Variants in DSC1 observed in about 807,000 individuals in gnomAD.
The protein encoded by DSC1 is desmocollin-1.
Under a neutral mutation model 98.8 loss-of-function variants are expected in DSC1, and 79 were observed. The ratio of observed to expected loss-of-function variants is 0.80; its 90% CI spans 0.67 to 0.96. DSC1 has a LOEUF of 0.96. DSC1 is among the 50% of genes least tolerant of loss of function. The pLI, the probability that DSC1 is intolerant of heterozygous loss-of-function variation, is 0.00. For synonymous variants in DSC1, 405 were observed against 372.1 expected, an observed-to-expected ratio of 1.09 and a Z score of -1.02; for missense variants, 1,115 against 1,075.9, an observed-to-expected ratio of 1.04 and a Z score of -0.51.
chr18:31,155,542 A>G (rs1173904508), intron 4 of DSC1, among the ~76,000 whole-genome samples: 1 of 152,176 alleles, frequency 6.6e-6, no homozygotes, highest in African/African-American at 2.4e-5. Context: ...AGGCAGGAGA[A>G]TCGCTTGAAC....
rs1988571614 is a variant in DSC1, at chr18:31,134,703, G to T, written c.1745C>A (p.Thr582Asn). The change falls in exon 12 of 16, where the codon ACC becomes AAC. Residue 582 changes from threonine (T) to asparagine (N), a missense_variant. Transcript: ENST00000257198. Reference sequence around the variant, plus strand: ...AAAATCCTCATTATTCTGACAAATGGTCACTTCTTTGTCAATTTGAGGTGC... The same window carrying T: ...AAAATCCTCATTATTCTGACAAATGTTCACTTCTTTGTCAATTTGAGGTGC... ...DHAPQIDKEV[T>N]ICQNNEDFAV... is the part of the protein sequence containing the mutation. 6.2e-7 allele frequency: 1 copy of T among 1,612,962 alleles called. No individual in the cohort carries two copies. Among genetic ancestry groups the T allele is most frequent in the Non-Finnish European group, 8.5e-7 (1 of 1,179,466 alleles).
rs758575290 is a variant in DSC1, at chr18:31,130,635, T to A, written c.2564A>T (p.Lys855Ile). The A allele has an allele frequency of 1.2e-6, 2 of 1,614,170 alleles. No homozygotes were observed. The highest frequency in any genetic ancestry group is 1.7e-6 in the Non-Finnish European group (2 of 1,180,032). The change falls in exon 16 of 16, where the codon AAA becomes ATA. Residue 855 changes from lysine (K) to isoleucine (I), a missense_variant. Lys to Ile is a moderately radical substitution (Grantham distance 102). Transcript: ENST00000257198. ...ACCTACTGAGCCGGCCAGAGAACCT[T>A]TGCCTTCATAGTTATACGAACAAAC... ...DYVCSYNYEG[K>I]GSLAGSVGCC...
At position 31,134,639 on chromosome 18, in the gene DSC1, A is replaced by C; in HGVS notation, c.1809T>G (p.Asn603Lys). Residue 603 changes from asparagine to lysine, a missense_variant, in exon 12 of 16, where the codon AAT becomes AAG. Physicochemically the swap from Asn to Lys is moderately conservative, Grantham distance 94 (BLOSUM62 0). Coordinates refer to ENST00000257198, the MANE Select transcript of DSC1 (RefSeq NM_024421.2). ...LKPVDPDGPE[N>K]GPPFQFFLDN... ...CCAGAAAGAATTGAAAAGGTGGTCC[A>C]TTTTCAGGTCCATCTGGATCTACAG... is the stretch of plus-strand genomic sequence containing the variant. 1 of 1,612,908 alleles carries C rather than the reference A, an allele frequency of 6.2e-7. No individual in the cohort carries two copies. Among genetic ancestry groups the C allele is most frequent in the Non-Finnish European group, 8.5e-7 (1 of 1,179,398 alleles).
At chr18:31,134,477 A>G (rs1202464194) in intron 12 of DSC1, 95 bp downstream of exon 12, 1 of 1,103,306 alleles carries the variant, frequency 9.1e-7, no homozygotes, top group Non-Finnish European at 1.3e-6. Context: ...ATAATTTCCT[A>G]AAATAAATGT....
intron 1 of DSC1, among the ~76,000 whole-genome samples, chr18:31,160,260 T>C (rs912091174): frequency 2.0e-5 from 3 of 152,310 alleles, no homozygotes; most frequent in Non-Finnish European, 4.4e-5. Flanking sequence ...AAAATGTCTA[T>C]AGGTTCAAAA....
chr18:31,135,388 A>T (rs1988589659), intron 11 of DSC1, among the ~76,000 whole-genome samples: 1 of 152,154 alleles, frequency 6.6e-6, no homozygotes, highest in South Asian at 2.1e-4. Context: ...GCTTTCTCAG[A>T]ACTCTTTGCT....
intron 1 of DSC1, among the ~76,000 whole-genome samples, chr18:31,162,312 C>G (rs1239568604): frequency 6.6e-6 from 1 of 152,182 alleles, no homozygotes; most frequent in Non-Finnish European, 1.5e-5. Flanking sequence ...AAACTTTTAA[C>G]ACTCTGGCAG....
Position 31,140,182 on chromosome 18 carries a change from AACGGTG to A in DSC1, c.1374_1379del (p.Thr459_Val460del). 2 of 1,614,046 alleles carry A rather than the reference AACGGTG, an allele frequency of 1.2e-6. No individual in the cohort carries two copies. Among genetic ancestry groups the A allele is most frequent in the Non-Finnish European group, 1.7e-6 (2 of 1,179,946 alleles). ...GGCCCTCATCACTGTCTATAATTTTAACGGTGACAGTTGTAGTGCACATTGTAGGAG... is the reference window on the plus strand; with the variant it reads ...GGCCCTCATCACTGTCTATAATTTTAACAGTTGTAGTGCACATTGTAGGAG... On this transcript the variant is annotated inframe_deletion, in exon 10 of 16. Coordinates refer to ENST00000257198, the MANE Select transcript of DSC1 (RefSeq NM_024421.2).
rs1568002930 is a variant in DSC1, at chr18:31,150,391, CACCATT to C, written c.628-1755_628-1750del. On this transcript the variant is annotated intron_variant, in intron 5 of 15. Coordinates refer to ENST00000257198, the MANE Select transcript of DSC1 (RefSeq NM_024421.2). ...CCACCACCATCATCACCACCATCAC[CACCATT>C]ATCACCACCACCACATCATCACTGC... 5.5e-5 allele frequency among the ~76,000 whole-genome samples: 4 copies of C among 72,704 alleles called. 1 individual carries two copies. Among genetic ancestry groups the C allele is most frequent in the Admixed American group, 4.3e-4 (3 of 7,004 alleles). The allele number at this position is 72,704 out of a possible 152,430, so 47.7% of individuals were successfully genotyped here.
intron 15 of DSC1, 53 bp downstream of exon 15, chr18:31,131,541 A>C (rs16961333): frequency 0.043 from 68,639 of 1,597,714 alleles, 1,717 homozygotes; most frequent in African/African-American, 0.1. Flanking sequence ...ATTCTGATTT[A>C]TAACTAGCAT....
At chr18:31,152,590 C>T (rs1423175164) in intron 5 of DSC1, among the ~76,000 whole-genome samples, 2 of 152,076 alleles carry the variant, frequency 1.3e-5, no homozygotes, top group African/African-American at 2.4e-5. Flanking sequence ...TTACAGTTTA[C>T]ATAGTGGTAT....
Position 31,142,120 on chromosome 18 carries a change from T to C in DSC1, c.1139A>G (p.Gln380Arg), listed in dbSNP as rs552762894. ...VEILRMKVQD[Q>R]DLPNTPHSKA... Reference sequence around the variant, plus strand: ...TGAGTGAGGAGTGTTTGGCAAATCCTGATCCTGTACCTTCATTCGTAAAAT... The same window carrying C: ...TGAGTGAGGAGTGTTTGGCAAATCCCGATCCTGTACCTTCATTCGTAAAAT... The change falls in exon 9 of 16, where the codon CAG (glutamine) becomes CGG (arginine). Residue 380 changes from glutamine to arginine, a missense_variant. Transcript: ENST00000257198. 6.8e-6 allele frequency: 11 copies of C among 1,613,358 alleles called. No homozygotes were observed. In the South Asian group the frequency reaches 1.1e-4, roughly 16 times the overall value.
At chr18:31,160,612 AT>A (rs1410208555) in intron 1 of DSC1, among the ~76,000 whole-genome samples, 2 of 152,186 alleles carry the variant, frequency 1.3e-5, no homozygotes, top group Non-Finnish European at 2.9e-5. Context: ...CCACATTTTT[AT>A]TTAGTCCTAA....
chr18:31,147,694 C>A (rs1196782072), intron 6 of DSC1, among the ~76,000 whole-genome samples: 1 of 151,966 alleles, frequency 6.6e-6, no homozygotes, highest in East Asian at 1.9e-4. Flanking sequence ...ACCCAACAGT[C>A]ATTTAATAAA....
intron 11 of DSC1, 77 bp from the exon 12 acceptor site, chr18:31,134,861 G>A: frequency 7.4e-7 from 1 of 1,354,742 alleles, no homozygotes; most frequent in Non-Finnish European, 1.0e-6. Context: ...ATACACAGTT[G>A]ACATCTGCTT....
intron 11 of DSC1, 32 bp from the exon 12 acceptor site, chr18:31,134,816 A>C (rs758670842): frequency 3.2e-6 from 5 of 1,562,366 alleles, no homozygotes; most frequent in East Asian, 2.3e-5. Flanking sequence ...TTATTTCTTC[A>C]CATGAAAATG....
intron 7 of DSC1, 53 bp from the exon 8 acceptor site, chr18:31,143,844 G>A: frequency 3.5e-6 from 5 of 1,411,250 alleles, no homozygotes; most frequent in Non-Finnish European, 4.7e-6. Context: ...CCTATAACTT[G>A]CAATTCTCAC....
chr18:31,143,543 T>C (rs959507977), intron 8 of DSC1, 114 bp downstream of exon 8: 3 of 693,878 alleles, frequency 4.3e-6, no homozygotes, highest in African/African-American at 3.7e-5. Context: ...TTGTAAGTAG[T>C]AGTTATTTAA....
chr18:31,132,120 G>T (rs1988506579), intron 14 of DSC1: 1 of 456,522 alleles, frequency 2.2e-6, no homozygotes, highest in South Asian at 2.3e-5. Context: ...ATTAGAGTGG[G>T]TCCCTAAGCG....
Sources: allele counts gnomAD v4.1 joint callset (sites outside exome capture counted in the v4.1 genomes callset), GRCh38; gene constraint gnomAD v4.1.1; transcripts MANE v1.5; gene names NCBI Gene and HGNC (gene_info 2026-07-23, HGNC 2026-07-21).